The following CYP3A4 variants were observed in gnomAD, a reference collection of about 807,000 sequenced individuals.
CYP3A4 encodes the protein cytochrome P450 3A4.
Under a neutral mutation model 54.9 loss-of-function variants are expected in CYP3A4, and 41 were observed. That is an observed-to-expected ratio of 0.75 (90% CI 0.58 to 0.97). CYP3A4 has a LOEUF of 0.97. Ranked by LOEUF, CYP3A4 falls within the 50% of genes least tolerant of loss-of-function variation. CYP3A4 has a pLI of 0.00. For synonymous variants in CYP3A4, 179 were observed against 205.2 expected, an observed-to-expected ratio of 0.87 and a Z score of 1.09; for missense variants, 510 against 597.3, an observed-to-expected ratio of 0.85 and a Z score of 1.52.
At chr7:99,782,190 C>T (rs2151568026) in intron 1 of CYP3A4, among the ~76,000 whole-genome samples, 1 of 152,306 alleles carries the variant, frequency 6.6e-6, no homozygotes, top group African/African-American at 2.4e-5. Flanking sequence ...ACCTCTCAGG[C>T]CAGGACAAAC....
chr7:99,761,033 GA>G, intron 11 of CYP3A4, 52 bp from the exon 12 acceptor site: 1 of 1,586,648 alleles, frequency 6.3e-7, no homozygotes, highest in Middle Eastern at 1.7e-4. Flanking sequence ...ATACCCCTAA[GA>G]GTTACATGTT....
In CYP3A4 at chr7:99,768,501, C is replaced by T. The variant is rs547453529; in HGVS notation, c.523G>A (p.Val175Ile). The T allele has an allele frequency of 1.2e-5, 19 of 1,613,742 alleles. No individual in the cohort carries two copies. Among genetic ancestry groups the T allele is most frequent in the African/African-American group, 4.0e-5 (3 of 74,998 alleles). ...ETGKPVTLKD[V>I]FGAYSMDVIT... Reference sequence around the variant, plus strand: ...ACATCCATGCTGTAGGCCCCAAAGACGCTGAGTGGAGAAAGATGTGGAAAA... The same window carrying T: ...ACATCCATGCTGTAGGCCCCAAAGATGCTGAGTGGAGAAAGATGTGGAAAA... The change falls in exon 7 of 13, where the codon GTC becomes ATC. Residue 175 changes from valine to isoleucine, a missense_variant and splice_region_variant. By Grantham distance (29) the Val-to-Ile change is conservative. Transcript: ENST00000651514.
In CYP3A4 at chr7:99,769,744, C is replaced by A. The variant is rs71528515; in HGVS notation, c.521+24G>T. ...TGGAGGGGTTCATGACAGCTCAGAA[C>A]CCCATGGCTGCGCTTCTACTTACTC... On this transcript the variant is annotated intron_variant, in intron 6 of 12. Coordinates refer to ENST00000651514, the MANE Select transcript of CYP3A4 (RefSeq NM_017460.6). 875 of 1,613,168 alleles carry A rather than the reference C, an allele frequency of 5.4e-4. 1 individual carries two copies. The highest frequency in any genetic ancestry group is 6.8e-4 in the Non-Finnish European group (799 of 1,179,266).
intron 3 of CYP3A4, 75 bp from the exon 4 acceptor site, chr7:99,772,764 A>G: frequency 6.8e-7 from 1 of 1,468,314 alleles, no homozygotes; most frequent in Non-Finnish European, 9.5e-7. Flanking sequence ...AGGAAGCCAG[A>G]CTTTGATCCT....
At chr7:99,777,814 A>G (rs1245791306) in intron 3 of CYP3A4, among the ~76,000 whole-genome samples, 1 of 152,086 alleles carries the variant, frequency 6.6e-6, no homozygotes, top group African/African-American at 2.4e-5. Flanking sequence ...TACTTCCCTG[A>G]ATTTGCACAT....
At position 99,757,732 on chromosome 7, in the gene CYP3A4, G is replaced by A. The variant is rs569081546; in HGVS notation, c.*401C>T. 2.2e-5 allele frequency: 4 copies of A among 181,712 alleles called. No individual in the cohort carries two copies. The highest frequency in any genetic ancestry group is 1.6e-4 in the Admixed American group (3 of 18,528). The allele number at this position is 181,712 out of a possible 1,614,324, so 11.3% of individuals were successfully genotyped here. On this transcript the variant is annotated 3_prime_UTR_variant, in exon 13 of 13. Transcript: ENST00000651514. ...CATAAAACTTATAGAATACTCCAGA[G>A]AAAACATGTGATATAAATGTCATTG...
chr7:99,758,048 A>G lies in CYP3A4; in HGVS notation c.*85T>C. ...TGGATGAAGCCCATCTTCATTTCAG[A>G]GTTCTATTCACAAAGTAATTTGAGG... On this transcript the variant is annotated 3_prime_UTR_variant, in exon 13 of 13. Coordinates refer to ENST00000651514, the MANE Select transcript of CYP3A4 (RefSeq NM_017460.6). The G allele has an allele frequency of 9.2e-7, 1 of 1,089,810 alleles. No individual in the cohort carries two copies. The highest frequency in any genetic ancestry group is 1.4e-6 in the Non-Finnish European group (1 of 708,562). The allele number at this position is 1,089,810 out of a possible 1,614,324, so 67.5% of individuals were successfully genotyped here. A position where few individuals can be genotyped will look rare whatever the true frequency, so the allele number is the denominator to read the frequency against.
intron 9 of CYP3A4, among the ~76,000 whole-genome samples, chr7:99,765,175 G>C (rs1238319410): frequency 6.6e-6 from 1 of 152,084 alleles, no homozygotes; most frequent in Non-Finnish European, 1.5e-5. Flanking sequence ...TCAAAGTTTA[G>C]AGCTCTGCTG....
chr7:99,758,928 G>T (rs1374138183), intron 12 of CYP3A4, among the ~76,000 whole-genome samples: 1 of 152,094 alleles, frequency 6.6e-6, no homozygotes, highest in Non-Finnish European at 1.5e-5. Flanking sequence ...TTCTTATTGA[G>T]ACACTCCTTC....
chr7:99,780,099 C>G lies in CYP3A4; in HGVS notation c.72-14G>C, dbSNP rs55671128. 229 of 1,608,924 alleles carry G rather than the reference C, an allele frequency of 1.4e-4. No individual in the cohort carries two copies. The highest frequency in any genetic ancestry group is 1.9e-4 in the Non-Finnish European group (224 of 1,175,622). On this transcript the variant is annotated splice_polypyrimidine_tract_variant and intron_variant, in intron 1 of 12. Transcript: ENST00000651514. ...TGGGTTCCATATCTACAAAGTGAAACAGAAATCAAGTCACAGCGATTGTGA... is the reference window on the plus strand; with the variant it reads ...TGGGTTCCATATCTACAAAGTGAAAGAGAAATCAAGTCACAGCGATTGTGA...
rs560750129 is a variant in CYP3A4 at position 99,774,232 on chromosome 7, A to G, written c.219-1543T>C. On this transcript the variant is annotated intron_variant, in intron 3 of 12. Transcript: ENST00000651514. ...ACCAACCAAAAAAAGTCCAGGACCAAATGGATTCACAGCTGAATTCTACCA... is the reference window on the plus strand; with the variant it reads ...ACCAACCAAAAAAAGTCCAGGACCAGATGGATTCACAGCTGAATTCTACCA... Among the ~76,000 whole-genome samples the G allele has an allele frequency of 3.3e-5, 5 of 152,138 alleles. No homozygotes were observed. In the East Asian group the frequency reaches 9.7e-4, roughly 29 times the overall value.
At position 99,763,940 on chromosome 7, in the gene CYP3A4, A is replaced by G. The variant is rs190354371; in HGVS notation, c.941T>C (p.Leu314Pro). ...FAGYETTSSV[L>P]SFIMYELATH... ...GGCCAGTTCATACATAATGAAGGAG[A>G]GAACACTGCTCGTGGTTTCATAGCC... Residue 314 changes from leucine (L) to proline (P), a missense_variant, in exon 10 of 13, where the codon CTC becomes CCC. Leu to Pro is a moderately conservative substitution (Grantham distance 98). Around this residue, in one of 2 missense-constraint regions of CYP3A4, gnomAD observed 238 missense variants for 322.5 expected, o/e 0.74. Transcript: ENST00000651514. The G allele has an allele frequency of 6.2e-7, 1 of 1,614,024 alleles. No individual in the cohort carries two copies. The highest frequency in any genetic ancestry group is 8.5e-7 in the Non-Finnish European group (1 of 1,179,974).
At chr7:99,776,882 C>T (rs1374408205) in intron 3 of CYP3A4, among the ~76,000 whole-genome samples, 1 of 151,930 alleles carries the variant, frequency 6.6e-6, no homozygotes, top group Non-Finnish European at 1.5e-5. Flanking sequence ...AATCACAGTC[C>T]ATCAGCCCGC....
rs12721621 is a variant in CYP3A4, at chr7:99,757,989, A to G, written c.*144T>C. 423 of 673,168 alleles carry G rather than the reference A, an allele frequency of 6.3e-4. No homozygotes were observed. The African/African-American group carries it at 6.8e-3, about 11-fold the overall frequency. 41.7% of individuals were successfully genotyped at this position (673,168 alleles called of 1,614,324 possible). ...CACAGACAATGAGAGAGCTCAATGC[A>G]TGTACAGAATCCCCGGTTATTTATG... On this transcript the variant is annotated 3_prime_UTR_variant, in exon 13 of 13. Coordinates refer to ENST00000651514, the MANE Select transcript of CYP3A4 (RefSeq NM_017460.6).
Position 99,780,007 on chromosome 7 carries a change from A to C in CYP3A4, c.150T>G (p.Ile50Met). Residue 50 changes from isoleucine to methionine, a missense_variant, in exon 2 of 13, where the codon ATT becomes ATG. This residue lies in a region of CYP3A4 where 272 missense variants were observed against 274.9 expected (regional missense o/e 0.99). Coordinates refer to ENST00000651514, the MANE Select transcript of CYP3A4 (RefSeq NM_017460.6). ...AAACACTCACCTTATGGTAGGACAA[A>C]ATATTTCCCAAAAAAGGCAGAGGTG... The part of the protein sequence containing the change: ...GPTPLPFLGN[I>M]LSYHKGFCMF... The C allele has an allele frequency of 6.2e-7, 1 of 1,613,438 alleles. No homozygotes were observed. The highest frequency in any genetic ancestry group is 8.5e-7 in the Non-Finnish European group (1 of 1,179,494).
chr7:99,780,155 G>A, intron 1 of CYP3A4, 70 bp from the exon 2 acceptor site: 1 of 1,474,598 alleles, frequency 6.8e-7, no homozygotes, highest in Non-Finnish European at 9.4e-7. Flanking sequence ...ATGAGTCATT[G>A]ACTGAGGAAC....
intron 7 of CYP3A4, 26 bp downstream of exon 7, chr7:99,768,328 A>T: frequency 6.2e-7 from 1 of 1,604,788 alleles, no homozygotes; most frequent in Non-Finnish European, 8.5e-7. Flanking sequence ...AGCAAGATAA[A>T]TAAAAGGAAA....
Position 99,766,387 on chromosome 7 carries a change from C to T in CYP3A4, c.855G>A (p.Glu285=). The T allele has an allele frequency of 1.9e-6, 3 of 1,613,662 alleles. No homozygotes were observed. Among genetic ancestry groups the T allele is most frequent in the Middle Eastern group, 1.7e-4 (1 of 6,056 alleles). ...AAACACTCTGGTTACCTTTGTGGGACTCAGTTTCTTTTGAATTCTGAGAGT... is the reference window on the plus strand; with the variant it reads ...AAACACTCTGGTTACCTTTGTGGGATTCAGTTTCTTTTGAATTCTGAGAGT... The part of the protein sequence containing the change: ...MIDSQNSKET[E]SHKALSDLEL... The change falls in exon 9 of 13, where the codon GAG becomes GAA. Residue 285 remains glutamate (E), a synonymous_variant. Transcript: ENST00000651514.
intron 4 of CYP3A4, 67 bp from the exon 5 acceptor site, chr7:99,770,302 G>A (rs1815597117): frequency 1.4e-6 from 2 of 1,405,022 alleles, no homozygotes; most frequent in Non-Finnish European, 2.0e-6. Flanking sequence ...TGTAGAAAAT[G>A]TGTTAAACAG....
Sources: gnomAD v4.1 joint callset for allele counts (sites outside exome capture counted in the v4.1 genomes callset) on GRCh38, gnomAD v4.1.1 for gene constraint, gnomAD v4.1.1 regional missense constraint, MANE v1.5 for transcripts, NCBI Gene and HGNC (gene_info 2026-07-23, HGNC 2026-07-21) for gene names.